The following PTPRD variants were observed in gnomAD, a reference collection of about 807,000 sequenced individuals.
PTPRD encodes the protein receptor-type tyrosine-protein phosphatase delta.
PTPRD carries 34 observed loss-of-function variants against 214.5 expected under a neutral mutation model. That is an observed-to-expected ratio of 0.16 (90% confidence interval 0.12 to 0.21). PTPRD has a LOEUF of 0.21. Among genes scored for constraint, PTPRD ranks in the 10% least tolerant of loss-of-function variants. The probability of loss-of-function intolerance (pLI) is 1.00; values close to 1 mark genes in which losing one functional copy is unlikely to be tolerated. For missense variants in PTPRD, 2,545 were observed against 2,398.7 expected (o/e 1.06, Z -1.27); for synonymous variants, 1,128 against 845.7 (o/e 1.33, Z -5.79).
At chr9:8,995,793 A>ATGAAG (rs2099394366) in intron 11 of PTPRD, among the ~76,000 whole-genome samples, 1 of 151,462 alleles carries the variant, frequency 6.6e-6, no homozygotes, top group South Asian at 2.1e-4. Context: ...ATACTAGTTT[A>ATGAAG]TATTTTACCA....
intron 4 of PTPRD, among the ~76,000 whole-genome samples, chr9:10,026,076 T>C (rs1419738757): frequency 3.9e-5 from 6 of 152,212 alleles, no homozygotes; most frequent in African/African-American, 1.4e-4. Context: ...TTGCAATTGA[T>C]GGTGTTTCTG....
chr9:10,193,156 T>C (rs565790880), intron 3 of PTPRD, among the ~76,000 whole-genome samples: 4 of 152,174 alleles, frequency 2.6e-5, no homozygotes, highest in Admixed American at 6.5e-5. Context: ...AAATGATCTC[T>C]GGTCTTTAGA....
In PTPRD at chr9:10,022,443, G is replaced by C. The variant is rs576326565; in HGVS notation, c.-472+11275C>G. 8.8e-3 allele frequency among the ~76,000 whole-genome samples: 1,322 copies of C among 151,078 alleles called. 20 individuals carry two copies. The highest frequency in any genetic ancestry group is 0.03 in the African/African-American group (1,220 of 41,070). On this transcript the variant is annotated intron_variant, in intron 4 of 45. Coordinates refer to ENST00000381196, the MANE Select transcript of PTPRD (RefSeq NM_002839.4). ...ATGTTTGTTGAATGAAAGCAACAGA[G>C]AATCACTTTCCCTTTCATATTCAGG...
chr9:8,405,877 A>G (rs571069125), intron 35 of PTPRD, among the ~76,000 whole-genome samples: 2 of 152,284 alleles, frequency 1.3e-5, no homozygotes, highest in Admixed American at 6.5e-5. Flanking sequence ...TCAAAATACT[A>G]AAGATGTGCA....
At chr9:8,994,399 A>C (rs924272339) in intron 11 of PTPRD, among the ~76,000 whole-genome samples, 1 of 152,188 alleles carries the variant, frequency 6.6e-6, no homozygotes, top group Non-Finnish European at 1.5e-5. Context: ...TAAGCAGTAC[A>C]TGTCAATGAA....
chr9:8,794,364 C>T (rs1057159174), intron 11 of PTPRD, among the ~76,000 whole-genome samples: 10 of 152,170 alleles, frequency 6.6e-5, no homozygotes, highest in African/African-American at 2.2e-4. Context: ...TACTGCTGCC[C>T]GTTAGGTTAC....
chr9:9,589,096 G>A (rs1259767014), intron 7 of PTPRD, among the ~76,000 whole-genome samples: 1 of 151,828 alleles, frequency 6.6e-6, no homozygotes, highest in Non-Finnish European at 1.5e-5. Context: ...AACTTTCTTA[G>A]TTCTAGGCAA....
chr9:9,433,553 A>G (rs2084045797), intron 8 of PTPRD, among the ~76,000 whole-genome samples: 1 of 152,232 alleles, frequency 6.6e-6, no homozygotes, highest in East Asian at 1.9e-4. Flanking sequence ...GTGGAAAATT[A>G]ATTTATTATG....
chr9:9,764,444 A>C (rs2098689935), intron 6 of PTPRD, among the ~76,000 whole-genome samples: 2 of 152,204 alleles, frequency 1.3e-5, no homozygotes, highest in Non-Finnish European at 2.9e-5. Context: ...CAAAGAAAAG[A>C]GTGCCCACCT....
At chr9:8,815,111 T>C (rs1369460554) in intron 11 of PTPRD, among the ~76,000 whole-genome samples, 1 of 152,008 alleles carries the variant, frequency 6.6e-6, no homozygotes, top group Non-Finnish European at 1.5e-5. Context: ...TAATTTAGTT[T>C]TTTTTTTTTC....
chr9:10,046,755 C>A (rs777520651), intron 3 of PTPRD, among the ~76,000 whole-genome samples: 2 of 151,870 alleles, frequency 1.3e-5, no homozygotes, highest in Non-Finnish European at 2.9e-5. Context: ...AATAAAGATT[C>A]ACAAGTATAT....
chr9:9,144,165 A>G (rs1170816397), intron 10 of PTPRD, among the ~76,000 whole-genome samples: 1 of 152,234 alleles, frequency 6.6e-6, no homozygotes, highest in African/African-American at 2.4e-5. Context: ...TGGGAAAGGG[A>G]ACATCTCACT....
chr9:10,428,161 A>G (rs1290401487), intron 2 of PTPRD, among the ~76,000 whole-genome samples: 1 of 151,990 alleles, frequency 6.6e-6, no homozygotes, highest in African/African-American at 2.4e-5. Context: ...CTAAAAATAA[A>G]AAAATAAAAT....
intron 11 of PTPRD, among the ~76,000 whole-genome samples, chr9:8,980,102 A>G (rs1719550607): frequency 6.6e-6 from 1 of 152,124 alleles, no homozygotes; most frequent in Non-Finnish European, 1.5e-5. Flanking sequence ...CCTAAAGGAC[A>G]TTGCATTAAG....
At chr9:9,952,007 C>T (rs926816233) in intron 4 of PTPRD, among the ~76,000 whole-genome samples, 2 of 152,076 alleles carry the variant, frequency 1.3e-5, no homozygotes, top group African/African-American at 4.8e-5. Context: ...TTATGGCCTA[C>T]AGGAAATGAA....
chr9:9,461,290 G>A (rs188897796), intron 8 of PTPRD, among the ~76,000 whole-genome samples: 1 of 152,096 alleles, frequency 6.6e-6, no homozygotes, highest in East Asian at 1.9e-4. Flanking sequence ...ATATACCCAT[G>A]TAACATACCT....
intron 3 of PTPRD, among the ~76,000 whole-genome samples, chr9:10,179,304 T>C (rs931784504): frequency 3.2e-4 from 48 of 151,974 alleles, no homozygotes; most frequent in African/African-American, 1.1e-3. Flanking sequence ...TAAAAAGTTA[T>C]AGAAAGCACA....
At chr9:10,266,633 G>A (rs2094079863) in intron 3 of PTPRD, among the ~76,000 whole-genome samples, 1 of 152,132 alleles carries the variant, frequency 6.6e-6, no homozygotes, top group African/African-American at 2.4e-5. Flanking sequence ...AAAGTGGATA[G>A]GAGAGAATGT....
chr9:10,058,533 TC>T, intron 3 of PTPRD, among the ~76,000 whole-genome samples: 1 of 152,204 alleles, frequency 6.6e-6, no homozygotes, highest in Non-Finnish European at 1.5e-5. Context: ...TGCCTCAATT[TC>T]TTTCTTTAAG....
Sources: allele counts gnomAD v4.1 joint callset (sites outside exome capture counted in the v4.1 genomes callset), GRCh38; gene constraint gnomAD v4.1.1; transcripts MANE v1.5; gene names NCBI Gene and HGNC (gene_info 2026-07-23, HGNC 2026-07-21).